Variants in LPAR1 observed in about 807,000 individuals in gnomAD.
LPAR1 encodes LPA receptor 1.
LPAR1 carries 5 observed loss-of-function variants against 23.8 expected under a neutral mutation model. The observed-to-expected ratio is 0.21, with a 90% CI of 0.11 to 0.44. The LOEUF (loss-of-function observed/expected upper bound fraction) is 0.44. LPAR1 is among the 20% of genes least tolerant of loss of function. The probability of loss-of-function intolerance (pLI) is 0.99; values close to 1 mark genes in which losing one functional copy is unlikely to be tolerated. For synonymous variants in LPAR1, 160 were observed against 164.7 expected (o/e 0.97, Z 0.22); for missense variants, 311 against 482.8 (o/e 0.64, Z 3.33).
chr9:110,892,840 G>GGCAC (rs1564386780), intron 5 of LPAR1, among the ~76,000 whole-genome samples: 1 of 135,464 alleles, frequency 7.4e-6, no homozygotes. Flanking sequence ...CAGGCAGGCA[G>GGCAC]GCAGGCAGGC....
intron 2 of LPAR1, among the ~76,000 whole-genome samples, chr9:110,997,419 T>TGA (rs1004539272): frequency 2.0e-4 from 31 of 152,052 alleles, no homozygotes; most frequent in African/African-American, 7.5e-4. Flanking sequence ...TATTAACTAT[T>TGA]GAGAGAGAGA....
intron 2 of LPAR1, among the ~76,000 whole-genome samples, chr9:111,029,407 T>C (rs904585500): frequency 1.3e-5 from 2 of 152,092 alleles, no homozygotes; most frequent in Non-Finnish European, 2.9e-5. Context: ...TAGTCTCCAG[T>C]ACCCTTCTAC....
chr9:110,964,801 A>G (rs1336339749), intron 4 of LPAR1, among the ~76,000 whole-genome samples: 2 of 151,620 alleles, frequency 1.3e-5, no homozygotes, highest in African/African-American at 2.4e-5. Flanking sequence ...CCTATTGGTA[A>G]GGATGTCCAA....
chr9:110,987,667 C>CATGTAT (rs2096813422), intron 2 of LPAR1, among the ~76,000 whole-genome samples: 1 of 69,154 alleles, frequency 1.4e-5, no homozygotes, highest in Non-Finnish European at 2.6e-5. Flanking sequence ...GTGGAACCTA[C>CATGTAT]ATGTATATAT....
chr9:111,037,808 C>T (rs2097921185), intron 1 of LPAR1: 2 of 152,194 alleles, frequency 1.3e-5, no homozygotes, highest in African/African-American at 4.8e-5. Context: ...AGGCCACCTA[C>T]GTGTCACTGG....
At chr9:110,896,785 ATC>A (rs1265889351) in intron 5 of LPAR1, among the ~76,000 whole-genome samples, 1 of 128,174 alleles carries the variant, frequency 7.8e-6, no homozygotes, top group Admixed American at 8.2e-5. Context: ...ATTTAGTGAA[ATC>A]TTTTTTTTTT....
chr9:110,935,414 T>TAA (rs5899925), intron 5 of LPAR1, among the ~76,000 whole-genome samples: 1 of 145,850 alleles, frequency 6.9e-6, no homozygotes, highest in African/African-American at 2.5e-5. Context: ...ACTCCAGCCT[T>TAA]AAAAAAAAAA....
chr9:110,999,387 C>G lies in LPAR1; in HGVS notation c.-181-25829G>C, dbSNP rs1288553204. 6 of 455,972 alleles carry G rather than the reference C, an allele frequency of 1.3e-5. No homozygotes were observed. In the East Asian group the frequency reaches 4.2e-4, roughly 32 times the overall value. 28.2% of individuals were successfully genotyped at this position (455,972 alleles called of 1,614,324 possible). ...AATTAGAAGGTTCAGACCTCCCCCA[C>G]CCTACCTCATTTTCCAGAACACTGG... is the stretch of plus-strand genomic sequence containing the variant. On this transcript the variant is annotated intron_variant, in intron 2 of 5. Transcript: ENST00000683809.
chr9:110,898,257 A>G (rs10980623), intron 5 of LPAR1, among the ~76,000 whole-genome samples: 24,957 of 152,264 alleles, frequency 0.16, 2,609 homozygotes, highest in Admixed American at 0.24. Context: ...AATTTAAAAA[A>G]TATGTGTCTG....
chr9:110,994,863 C>T (rs2096965616), intron 2 of LPAR1, among the ~76,000 whole-genome samples: 1 of 152,134 alleles, frequency 6.6e-6, no homozygotes, highest in African/African-American at 2.4e-5. Context: ...TCAAACAAAT[C>T]ACAAACTCTA....
intron 5 of LPAR1, among the ~76,000 whole-genome samples, chr9:110,908,105 G>A (rs931760374): frequency 4.6e-5 from 7 of 151,762 alleles, no homozygotes; most frequent in Non-Finnish European, 8.8e-5. Context: ...TAAATAATCA[G>A]TGTGTTTTTC....
At chr9:110,987,665 T>C (rs796238239) in intron 2 of LPAR1, among the ~76,000 whole-genome samples, 1 of 70,456 alleles carries the variant, frequency 1.4e-5, no homozygotes, top group South Asian at 4.7e-4. Context: ...CTGTGGAACC[T>C]ACATGTATAT....
intron 4 of LPAR1, among the ~76,000 whole-genome samples, chr9:110,944,892 T>C (rs1007624255): frequency 6.6e-6 from 1 of 152,170 alleles, no homozygotes; most frequent in Non-Finnish European, 1.5e-5. Flanking sequence ...AACTTATACA[T>C]AAGGTCTAGT....
intron 2 of LPAR1, among the ~76,000 whole-genome samples, chr9:111,018,181 T>C (rs2097493026): frequency 1.3e-5 from 2 of 152,216 alleles, no homozygotes; most frequent in Non-Finnish European, 2.9e-5. Context: ...TGAGGTCTAG[T>C]CAATGTCATC....
chr9:110,896,408 A>C (rs1588184834), intron 5 of LPAR1, among the ~76,000 whole-genome samples: 1 of 152,212 alleles, frequency 6.6e-6, no homozygotes, highest in South Asian at 2.1e-4. Context: ...AATTAAATTT[A>C]TCAGGGGCAA....
intron 5 of LPAR1, among the ~76,000 whole-genome samples, chr9:110,886,446 T>C (rs2082443123): frequency 6.9e-6 from 1 of 144,176 alleles, no homozygotes; most frequent in East Asian, 2.1e-4. Flanking sequence ...ACAATGCTAC[T>C]CCAAGGCCTA....
At chr9:110,886,586 C>A (rs2082491991) in intron 5 of LPAR1, among the ~76,000 whole-genome samples, 2 of 152,120 alleles carry the variant, frequency 1.3e-5, no homozygotes. Flanking sequence ...TATGCACACT[C>A]AGGATCCTCA....
At chr9:111,000,423 G>T (rs754286302) in intron 2 of LPAR1, among the ~76,000 whole-genome samples, 56 of 152,174 alleles carry the variant, frequency 3.7e-4, no homozygotes, top group Non-Finnish European at 7.1e-4. Flanking sequence ...TGGGGCCAGG[G>T]TTTTCTCCTG....
chr9:110,930,372 G>C (rs374796096), intron 5 of LPAR1, among the ~76,000 whole-genome samples: 144 of 152,092 alleles, frequency 9.5e-4, no homozygotes, highest in African/African-American at 3.4e-3. Context: ...AAAATTAGCT[G>C]GGTGTGGTGG....
Sources: allele counts gnomAD v4.1 joint callset (sites outside exome capture counted in the v4.1 genomes callset), GRCh38; gene constraint gnomAD v4.1.1; transcripts MANE v1.5; gene names NCBI Gene and HGNC (gene_info 2026-07-23, HGNC 2026-07-21).